PAIP2: variants seen among roughly 807,000 people sequenced by gnomAD.
PAIP2 encodes the protein polyadenylate-binding protein-interacting protein 2.
A neutral mutation model predicts 14.8 loss-of-function variants in PAIP2; 7 were observed. The observed-to-expected ratio is 0.47, with a 90% CI of 0.27 to 0.89. PAIP2 has a LOEUF of 0.89. PAIP2 is among the 40% of genes least tolerant of loss of function. The pLI, the probability that PAIP2 is intolerant of heterozygous loss-of-function variation, is 0.13. For synonymous variants in PAIP2, 47 were observed against 45.3 expected (o/e 1.04, Z -0.15); for missense variants, 122 against 154.7 (o/e 0.79, Z 1.12).
At chr5:139,350,036 G>T (rs1756679373) in intron 1 of PAIP2, among the ~76,000 whole-genome samples, 1 of 151,306 alleles carries the variant, frequency 6.6e-6, no homozygotes, top group African/African-American at 2.4e-5. Context: ...TTAGCCAGGT[G>T]TGGTGGCGGG....
chr5:139,349,809 C>G (rs572996629), intron 1 of PAIP2, among the ~76,000 whole-genome samples: 74 of 152,014 alleles, frequency 4.9e-4, no homozygotes, highest in African/African-American at 1.7e-3. Context: ...TGAGACCATC[C>G]TGGCCAACAT....
At chr5:139,360,709 CCT>C (rs1757044099) in intron 1 of PAIP2, among the ~76,000 whole-genome samples, 1 of 150,904 alleles carries the variant, frequency 6.6e-6, no homozygotes, top group Non-Finnish European at 1.5e-5. Context: ...GCGATCCACC[CCT>C]GTTGACCTCC....
At chr5:139,354,923 G>A (rs1401725906) in intron 1 of PAIP2, among the ~76,000 whole-genome samples, 2 of 150,386 alleles carry the variant, frequency 1.3e-5, no homozygotes, top group African/African-American at 4.9e-5. Context: ...AGGTTCAAGC[G>A]ATACTCCTGG....
chr5:139,349,288 G>C (rs1356375790), intron 1 of PAIP2, among the ~76,000 whole-genome samples: 1 of 152,072 alleles, frequency 6.6e-6, no homozygotes, highest in African/African-American at 2.4e-5. Flanking sequence ...TCGCTCTGTC[G>C]CCCAGGCTGG....
chr5:139,363,413 G>C (rs1308222734), intron 1 of PAIP2, among the ~76,000 whole-genome samples: 2 of 152,040 alleles, frequency 1.3e-5, no homozygotes, highest in African/African-American at 4.8e-5. Context: ...ATAATAAACA[G>C]ATGCTCACTA....
At chr5:139,360,416 C>T (rs1757035002) in intron 1 of PAIP2, among the ~76,000 whole-genome samples, 1 of 152,194 alleles carries the variant, frequency 6.6e-6, no homozygotes, top group Admixed American at 6.5e-5. Flanking sequence ...CCTAACAAAT[C>T]ATATTATCAT....
rs184395558 is a variant in PAIP2, at chr5:139,356,320, C to T, written c.-26-7439C>T. Among the ~76,000 whole-genome samples, 363 of 151,404 alleles carry T rather than the reference C, an allele frequency of 2.4e-3. 2 individuals carry two copies. Among genetic ancestry groups the T allele is most frequent in the Non-Finnish European group, 4.1e-3 (275 of 67,888 alleles). On this transcript the variant is annotated intron_variant, in intron 1 of 3. Coordinates refer to ENST00000265192, the MANE Select transcript of PAIP2 (RefSeq NM_016480.5). ...AATTAGCCAGGCCTGGTGGCATGCA[C>T]CTGTAATCCCAGCTACTCGGGAGGC...
intron 1 of PAIP2, among the ~76,000 whole-genome samples, chr5:139,359,927 C>G (rs539794085): frequency 6.6e-6 from 1 of 151,708 alleles, no homozygotes; most frequent in Non-Finnish European, 1.5e-5. Flanking sequence ...GCTGAGATTG[C>G]ACCACTGTAC....
chr5:139,345,914 A>G lies in PAIP2; in HGVS notation c.-27+3934A>G, dbSNP rs1433085971. ...AGTGCTGGGATTACAGGCGTGAGCC[A>G]CCGCACCAGGCCTATATTTGAATTT... On this transcript the variant is annotated intron_variant, in intron 1 of 3. Coordinates refer to ENST00000265192, the MANE Select transcript of PAIP2 (RefSeq NM_016480.5). Among the ~76,000 whole-genome samples the G allele has an allele frequency of 5.9e-5, 9 of 152,166 alleles. 1 individual carries two copies. Among genetic ancestry groups the G allele is most frequent in the Non-Finnish European group, 7.3e-5 (5 of 68,032 alleles).
intron 1 of PAIP2, among the ~76,000 whole-genome samples, chr5:139,351,231 C>T (rs1756721825): frequency 6.6e-6 from 1 of 151,780 alleles, no homozygotes; most frequent in Admixed American, 6.6e-5. Flanking sequence ...TCATCTCTTA[C>T]AGTTAAAATG....
intron 1 of PAIP2, among the ~76,000 whole-genome samples, chr5:139,349,055 TAGTA>T (rs747482704): frequency 4.6e-5 from 7 of 152,298 alleles, no homozygotes; most frequent in African/African-American, 1.2e-4. Context: ...TTTTAAAACA[TAGTA>T]AGAGAAAACC....
At position 139,342,412 on chromosome 5, in the gene PAIP2, A is replaced by G. The variant is rs755541141; in HGVS notation, c.-27+432A>G. 257 of 150,864 alleles carry G rather than the reference A, an allele frequency of 1.7e-3. 2 individuals are homozygous for G. Among genetic ancestry groups the G allele is most frequent in the Non-Finnish European group, 2.9e-3 (198 of 67,626 alleles). The allele number at this position is 150,864 out of a possible 1,614,324, so 9.3% of individuals were successfully genotyped here. On this transcript the variant is annotated intron_variant, in intron 1 of 3. Transcript: ENST00000265192. Reference sequence around the variant, plus strand: ...CTGCGCGTCGCCACGCGCAGCCCCTACTTGCTGCGCGTGCGCGCCTCAGCC... The same window carrying G: ...CTGCGCGTCGCCACGCGCAGCCCCTGCTTGCTGCGCGTGCGCGCCTCAGCC...
At chr5:139,368,044 C>G (rs988419009) in intron 3 of PAIP2, among the ~76,000 whole-genome samples, 2 of 151,752 alleles carry the variant, frequency 1.3e-5, no homozygotes, top group East Asian at 3.9e-4. Flanking sequence ...ACTAAAAATA[C>G]GAAAAATTAG....
At chr5:139,355,836 A>T (rs1225409793) in intron 1 of PAIP2, among the ~76,000 whole-genome samples, 2 of 148,098 alleles carry the variant, frequency 1.4e-5, no homozygotes, top group Non-Finnish European at 3.0e-5. Flanking sequence ...CAGCCTGGGC[A>T]ACACAGGGAG....
intron 3 of PAIP2, chr5:139,367,481 T>G (rs1004220328): frequency 6.7e-6 from 1 of 150,024 alleles, no homozygotes; most frequent in East Asian, 2.0e-4. Flanking sequence ...CCCCCACCCC[T>G]TTTTTTTTAA....
intron 3 of PAIP2, among the ~76,000 whole-genome samples, chr5:139,368,400 G>A (rs1027909591): frequency 1.3e-5 from 2 of 151,592 alleles, no homozygotes; most frequent in Non-Finnish European, 2.9e-5. Context: ...GTGGTGGCAC[G>A]CGCCTGTAGT....
intron 3 of PAIP2, among the ~76,000 whole-genome samples, chr5:139,365,878 G>A (rs7448941): frequency 0.99 from 150,660 of 152,318 alleles, 74,524 homozygotes; most frequent in Middle Eastern, 1. Context: ...TGCCTATACA[G>A]AAGTAGCTTG....
At chr5:139,360,645 ACTGTACCCAG>A (rs1262238161) in intron 1 of PAIP2, among the ~76,000 whole-genome samples, 1 of 151,976 alleles carries the variant, frequency 6.6e-6, no homozygotes, top group Non-Finnish European at 1.5e-5. Context: ...GGCGTGCACC[ACTGTACCCAG>A]CTTTGCCATA....
At chr5:139,352,466 C>T (rs1756763095) in intron 1 of PAIP2, among the ~76,000 whole-genome samples, 1 of 138,924 alleles carries the variant, frequency 7.2e-6, no homozygotes. Context: ...AAAATATTGG[C>T]TTTCTCAGTT....
Sources: gnomAD v4.1 joint callset for allele counts (sites outside exome capture counted in the v4.1 genomes callset) on GRCh38, gnomAD v4.1.1 for gene constraint, MANE v1.5 for transcripts, NCBI Gene and HGNC (gene_info 2026-07-23, HGNC 2026-07-21) for gene names.